Variants in RALGAPA2 observed in about 807,000 individuals in gnomAD.
RALGAPA2 encodes the protein Ral GTPase activating protein catalytic subunit alpha 2.
A neutral mutation model predicts 230.4 loss-of-function variants in RALGAPA2; 139 were observed. The observed-to-expected ratio is 0.60, with a 90% confidence interval of 0.53 to 0.69. The LOEUF is 0.69. RALGAPA2 is among the 30% of genes least tolerant of loss of function. The probability of loss-of-function intolerance (pLI) is 0.00; values close to 1 mark genes in which losing one functional copy is unlikely to be tolerated. For synonymous variants in RALGAPA2, 847 were observed against 837.8 expected (o/e 1.01, Z -0.19); for missense variants, 2,163 against 2,276.0 (o/e 0.95, Z 1.01).
At position 20,629,551 on chromosome 20, in the gene RALGAPA2, G is replaced by C; in HGVS notation, c.1045C>G (p.Leu349Val). 2 of 1,613,710 alleles carry C rather than the reference G, an allele frequency of 1.2e-6. No homozygotes were observed. Among genetic ancestry groups the C allele is most frequent in the Non-Finnish European group, 1.7e-6 (2 of 1,179,884 alleles). ...GGAVQERAPE[L>V]DGGGPTEQDK... ...TGCTCCGTGGGCCCACCACCATCCAGCTCAGGCGCTCTCTCCTGCACAGCA... is the reference window on the plus strand; with the variant it reads ...TGCTCCGTGGGCCCACCACCATCCACCTCAGGCGCTCTCTCCTGCACAGCA... The change falls in exon 10 of 40, where the codon CTG becomes GTG. Residue 349 changes from leucine to valine, a missense_variant. Coordinates refer to ENST00000202677, the MANE Select transcript of RALGAPA2 (RefSeq NM_020343.4).
At chr20:20,514,129 T>C (rs886563015) in intron 31 of RALGAPA2, among the ~76,000 whole-genome samples, 4 of 150,346 alleles carry the variant, frequency 2.7e-5, no homozygotes, top group Non-Finnish European at 5.9e-5. Flanking sequence ...CATCATGGTA[T>C]AGTAGGGCCC....
At chr20:20,665,458 T>C (rs1159433892) in intron 3 of RALGAPA2, among the ~76,000 whole-genome samples, 1 of 152,194 alleles carries the variant, frequency 6.6e-6, no homozygotes, top group Non-Finnish European at 1.5e-5. Context: ...CAGTGTCCCT[T>C]CCTCCAAGGT....
chr20:20,687,878 G>T (rs2068762054), intron 1 of RALGAPA2, among the ~76,000 whole-genome samples: 1 of 152,096 alleles, frequency 6.6e-6, no homozygotes, highest in African/African-American at 2.4e-5. Context: ...AGTTACAGAG[G>T]CTTGCCCACT....
intron 20 of RALGAPA2, among the ~76,000 whole-genome samples, chr20:20,580,482 G>A (rs1466559162): frequency 3.3e-5 from 5 of 152,108 alleles, no homozygotes. Flanking sequence ...CAGCCCGTAT[G>A]CTCCAGAGCC....
intron 9 of RALGAPA2, among the ~76,000 whole-genome samples, chr20:20,633,137 TCTTTC>T (rs1265887247): frequency 4.0e-5 from 6 of 151,780 alleles, no homozygotes; most frequent in Non-Finnish European, 7.4e-5. Context: ...TTTCTTTCTT[TCTTTC>T]TTCTTTTTTG....
At chr20:20,548,158 TA>T (rs1260252432) in intron 23 of RALGAPA2, among the ~76,000 whole-genome samples, 2 of 151,972 alleles carry the variant, frequency 1.3e-5, no homozygotes, top group African/African-American at 2.4e-5. Flanking sequence ...CACAAAATCC[TA>T]GTTTCTTTTC....
intron 1 of RALGAPA2, among the ~76,000 whole-genome samples, chr20:20,694,539 A>G (rs1036190489): frequency 3.0e-4 from 46 of 152,164 alleles, no homozygotes; most frequent in Non-Finnish European, 4.4e-5. Flanking sequence ...CTGGGCAGTC[A>G]CTCACAGGCA....
intron 28 of RALGAPA2, 116 bp from the exon 29 acceptor site, chr20:20,525,014 C>T (rs6075671): frequency 1.2e-6 from 1 of 844,210 alleles, no homozygotes; most frequent in Non-Finnish European, 1.8e-6. Context: ...CAACTCACCA[C>T]AGAAAGGTGA....
At chr20:20,685,435 A>C (rs1237531009) in intron 1 of RALGAPA2, among the ~76,000 whole-genome samples, 1 of 152,152 alleles carries the variant, frequency 6.6e-6, no homozygotes, top group African/African-American at 2.4e-5. Context: ...AATGTTCATG[A>C]GTTTATTTTA....
At chr20:20,415,055 A>C (rs1387061578) in intron 37 of RALGAPA2, among the ~76,000 whole-genome samples, 1 of 152,238 alleles carries the variant, frequency 6.6e-6, no homozygotes, top group Non-Finnish European at 1.5e-5. Flanking sequence ...GGTGCCAAAA[A>C]TCATTTCTTT....
chr20:20,692,524 T>C (rs2068949549), intron 1 of RALGAPA2, among the ~76,000 whole-genome samples: 1 of 152,170 alleles, frequency 6.6e-6, no homozygotes, highest in African/African-American at 2.4e-5. Flanking sequence ...TCTCGGAACC[T>C]GGCCTGTTCG....
intron 37 of RALGAPA2, among the ~76,000 whole-genome samples, chr20:20,458,727 TAC>T (rs1246159835): frequency 1.4e-4 from 9 of 64,254 alleles, no homozygotes; most frequent in Non-Finnish European, 2.1e-4. Context: ...TATATATATA[TAC>T]ACACACCTAT....
intron 14 of RALGAPA2, among the ~76,000 whole-genome samples, chr20:20,608,701 A>G (rs1484841436): frequency 6.6e-6 from 1 of 152,218 alleles, no homozygotes; most frequent in Admixed American, 6.5e-5. Flanking sequence ...TGCCCAATAG[A>G]GAGCCTGGCT....
At chr20:20,549,770 A>T (rs1295540707) in intron 23 of RALGAPA2, among the ~76,000 whole-genome samples, 1 of 152,212 alleles carries the variant, frequency 6.6e-6, no homozygotes, top group Non-Finnish European at 1.5e-5. Flanking sequence ...TTCTTTCACC[A>T]TCCCCACCAT....
At chr20:20,667,206 A>C (rs2067982830) in intron 3 of RALGAPA2, among the ~76,000 whole-genome samples, 1 of 152,210 alleles carries the variant, frequency 6.6e-6, no homozygotes, top group African/African-American at 2.4e-5. Context: ...TAGCTATATT[A>C]CTATTATCAG....
At chr20:20,531,925 T>C in intron 26 of RALGAPA2, 130 bp from the exon 27 acceptor site, 2 of 773,546 alleles carry the variant, frequency 2.6e-6, no homozygotes, top group South Asian at 2.1e-5. Context: ...ATTAGCAGAA[T>C]GTTTTCTTGA....
rs74535602 is a variant in RALGAPA2 at position 20,641,551 on chromosome 20, T to C, written c.373-673A>G. Among the ~76,000 whole-genome samples, 1,065 of 152,254 alleles carry C rather than the reference T, an allele frequency of 7.0e-3. 10 individuals carry two copies. The highest frequency in any genetic ancestry group is 0.024 in the African/African-American group (1,009 of 41,548). ...CATCACGCTGTAGGAGACATCTACATAGGGAGATGTGTCCTTTTTCTTTCT... is the reference window on the plus strand; with the variant it reads ...CATCACGCTGTAGGAGACATCTACACAGGGAGATGTGTCCTTTTTCTTTCT... On this transcript the variant is annotated intron_variant, in intron 5 of 39. Transcript: ENST00000202677.
At chr20:20,615,904 A>G (rs1348862049) in intron 13 of RALGAPA2, 139 bp downstream of exon 13, 5 of 613,154 alleles carry the variant, frequency 8.2e-6, no homozygotes, top group Admixed American at 3.9e-5. Context: ...CTTCTTCATA[A>G]TTCACAGAAA....
At chr20:20,503,568 A>G in intron 34 of RALGAPA2, 62 bp from the exon 35 acceptor site, 1 of 1,271,902 alleles carries the variant, frequency 7.9e-7, no homozygotes, top group Non-Finnish European at 1.0e-6. Context: ...TTCACTAAGC[A>G]GGACTGTGAA....
Sources: allele counts gnomAD v4.1 joint callset (sites outside exome capture counted in the v4.1 genomes callset), GRCh38; gene constraint gnomAD v4.1.1; transcripts MANE v1.5; gene names NCBI Gene and HGNC (gene_info 2026-07-23, HGNC 2026-07-21).